The following RBMS1 variants were observed in gnomAD, a reference collection of about 807,000 sequenced individuals.
The protein encoded by RBMS1 is RNA binding motif single stranded interacting protein 1.
RBMS1 carries 17 observed loss-of-function variants against 62.3 expected under a neutral mutation model. That is an observed-to-expected ratio of 0.27 (90% CI 0.19 to 0.41). The LOEUF (loss-of-function observed/expected upper bound fraction) is 0.41, where lower values mean the gene tolerates loss of function less well. Among genes scored for constraint, RBMS1 ranks in the 10% least tolerant of loss-of-function variants. RBMS1 has a pLI of 1.00. For missense variants in RBMS1, 334 were observed against 504.5 expected, an observed-to-expected ratio of 0.66 and a Z score of 3.24; for synonymous variants, 172 against 170.0, an observed-to-expected ratio of 1.01 and a Z score of -0.09.
chr2:160,377,807 C>G (rs955574341), intron 1 of RBMS1, among the ~76,000 whole-genome samples: 2 of 152,170 alleles, frequency 1.3e-5, no homozygotes, highest in Non-Finnish European at 2.9e-5. Context: ...CAACCCCTCA[C>G]TTTTCAGGAA....
intron 2 of RBMS1, among the ~76,000 whole-genome samples, chr2:160,338,636 G>A (rs1256815306): frequency 1.3e-5 from 2 of 152,124 alleles, no homozygotes; most frequent in Non-Finnish European, 2.9e-5. Context: ...ATCTTGTTAA[G>A]GATAGAAACT....
chr2:160,418,343 G>A (rs1351062679), intron 1 of RBMS1, among the ~76,000 whole-genome samples: 5 of 151,998 alleles, frequency 3.3e-5, no homozygotes, highest in Non-Finnish European at 2.9e-5. Context: ...ACCCTTTTAC[G>A]GTACCTGGAG....
At chr2:160,318,463 C>G (rs981416399) in intron 2 of RBMS1, among the ~76,000 whole-genome samples, 2 of 152,100 alleles carry the variant, frequency 1.3e-5, no homozygotes, top group East Asian at 3.8e-4. Flanking sequence ...GTTTGAAGTT[C>G]AACTCTGAAG....
intron 1 of RBMS1, among the ~76,000 whole-genome samples, chr2:160,370,251 TGAAA>T (rs1418363638): frequency 6.6e-6 from 1 of 152,222 alleles, no homozygotes; most frequent in African/African-American, 2.4e-5. Flanking sequence ...GAAAGAAAAC[TGAAA>T]GAGAGAAGCG....
chr2:160,349,847 T>A (rs1298783795), intron 2 of RBMS1, among the ~76,000 whole-genome samples: 1 of 141,692 alleles, frequency 7.1e-6, no homozygotes, highest in Non-Finnish European at 1.5e-5. Flanking sequence ...TGGAGGGGGG[T>A]TGAGATTGAG....
intron 1 of RBMS1, among the ~76,000 whole-genome samples, chr2:160,459,071 CA>C (rs1419904476): frequency 3.9e-5 from 6 of 152,180 alleles, no homozygotes; most frequent in African/African-American, 1.4e-4. Context: ...ACCCATCATA[CA>C]GTCTAATCAT....
chr2:160,314,436 T>TA (rs1690100818), intron 3 of RBMS1, among the ~76,000 whole-genome samples: 1 of 152,148 alleles, frequency 6.6e-6, no homozygotes, highest in Non-Finnish European at 1.5e-5. Context: ...ATCATTTACT[T>TA]ACAGAAATAT....
intron 1 of RBMS1, among the ~76,000 whole-genome samples, chr2:160,399,779 G>A (rs780864741): frequency 1.4e-4 from 21 of 152,190 alleles, no homozygotes; most frequent in Admixed American, 1.3e-4. Context: ...AAAGAGGAGA[G>A]AGACAAAGAG....
intron 11 of RBMS1, 76 bp from the exon 12 acceptor site, chr2:160,277,459 T>C (rs925222234): frequency 9.4e-7 from 1 of 1,066,390 alleles, no homozygotes; most frequent in Non-Finnish European, 1.5e-6. Flanking sequence ...GATTGTGAGA[T>C]GGATATAATG....
chr2:160,343,325 T>TA (rs869069879), intron 2 of RBMS1, among the ~76,000 whole-genome samples: 1 of 152,204 alleles, frequency 6.6e-6, no homozygotes, highest in African/African-American at 2.4e-5. Flanking sequence ...CATAAATTTT[T>TA]AAAAAATTAA....
chr2:160,425,818 C>T (rs747710727), intron 1 of RBMS1, among the ~76,000 whole-genome samples: 65 of 152,244 alleles, frequency 4.3e-4, no homozygotes, highest in African/African-American at 1.5e-3. Flanking sequence ...CTGTTGAGAT[C>T]GGGTTTCATA....
chr2:160,399,317 T>C (rs1695316000), intron 1 of RBMS1, among the ~76,000 whole-genome samples: 1 of 152,194 alleles, frequency 6.6e-6, no homozygotes, highest in African/African-American at 2.4e-5. Context: ...ACATTTTGCA[T>C]ACAATTTTAA....
chr2:160,458,584 G>GA (rs1205928885), intron 1 of RBMS1, among the ~76,000 whole-genome samples: 1 of 152,264 alleles, frequency 6.6e-6, no homozygotes, highest in African/African-American at 2.4e-5. Flanking sequence ...ATCACCTGGG[G>GA]TCAGGGGCTT....
chr2:160,469,849 G>A (rs62175960), intron 1 of RBMS1, among the ~76,000 whole-genome samples: 3,990 of 152,268 alleles, frequency 0.026, 74 homozygotes, highest in Middle Eastern at 0.061. Context: ...AGTTGACCTC[G>A]TAATGAATAG....
At chr2:160,470,741 T>C (rs1684881767) in intron 1 of RBMS1, among the ~76,000 whole-genome samples, 1 of 152,190 alleles carries the variant, frequency 6.6e-6, no homozygotes, top group Non-Finnish European at 1.5e-5. Context: ...TATCAGACTG[T>C]ACTGTACTCG....
intron 6 of RBMS1, among the ~76,000 whole-genome samples, chr2:160,289,743 A>T (rs1321045599): frequency 6.6e-6 from 1 of 152,070 alleles, no homozygotes; most frequent in East Asian, 1.9e-4. Context: ...ACCAGAAGCA[A>T]AATACTTTTG....
At chr2:160,385,894 C>T (rs1028212881) in intron 1 of RBMS1, among the ~76,000 whole-genome samples, 2 of 152,178 alleles carry the variant, frequency 1.3e-5, no homozygotes, top group Non-Finnish European at 2.9e-5. Context: ...TGGTTCGAAA[C>T]GTCCACTGAA....
intron 1 of RBMS1, among the ~76,000 whole-genome samples, chr2:160,411,517 A>G (rs1176943533): frequency 6.6e-6 from 1 of 152,166 alleles, no homozygotes; most frequent in Admixed American, 6.5e-5. Context: ...ATGTGTACTT[A>G]AAACACCCTT....
chr2:160,286,722 G>A (rs1688418869), intron 7 of RBMS1, among the ~76,000 whole-genome samples: 1 of 152,094 alleles, frequency 6.6e-6, no homozygotes, highest in African/African-American at 2.4e-5. Flanking sequence ...GTAGCTAGCT[G>A]GTAAACACAG....
Sources: gnomAD v4.1 joint callset for allele counts (sites outside exome capture counted in the v4.1 genomes callset) on GRCh38, gnomAD v4.1.1 for gene constraint, MANE v1.5 for transcripts, NCBI Gene and HGNC (gene_info 2026-07-23, HGNC 2026-07-21) for gene names.